The following PCDHA1 variants were observed in gnomAD, a reference collection of about 807,000 sequenced individuals.
PCDHA1 encodes protocadherin alpha-1.
Under a neutral mutation model 61.3 loss-of-function variants are expected in PCDHA1, and 42 were observed. That is an observed-to-expected ratio of 0.69 (90% confidence interval 0.54 to 0.89). The LOEUF (loss-of-function observed/expected upper bound fraction) is 0.89, where lower values mean the gene tolerates loss of function less well. PCDHA1 is among the 40% of genes least tolerant of loss of function. The probability of loss-of-function intolerance (pLI) is 0.00; values close to 1 mark genes in which losing one functional copy is unlikely to be tolerated. For missense variants in PCDHA1, 1,256 were observed against 1,235.3 expected (o/e 1.02, Z -0.25); for synonymous variants, 610 against 553.8 (o/e 1.10, Z -1.43).
chr5:140,977,074 T>C (rs1315038002), intron 1 of PCDHA1, among the ~76,000 whole-genome samples: 1 of 152,244 alleles, frequency 6.6e-6, no homozygotes, highest in Admixed American at 6.5e-5. Flanking sequence ...AATAGCAGCA[T>C]GACAAATTAA....
Position 140,993,509 on chromosome 5 carries a change from CGGGGAGAGAG to C in PCDHA1, c.2542+10947_2542+10956del, listed in dbSNP as rs2097568307. Among the ~76,000 whole-genome samples, 3 of 143,488 alleles carry C rather than the reference CGGGGAGAGAG, an allele frequency of 2.1e-5. No homozygotes were observed. In the Admixed American group the frequency reaches 2.1e-4, roughly 10 times the overall value. 94.1% of individuals were successfully genotyped at this position (143,488 alleles called of 152,430 possible). A position where few individuals can be genotyped will look rare whatever the true frequency, so the allele number is the denominator to read the frequency against. On this transcript the variant is annotated intron_variant, in intron 3 of 3. Coordinates refer to ENST00000504120, the MANE Select transcript of PCDHA1 (RefSeq NM_018900.4). Reference sequence around the variant, plus strand: ...ACACACACACACACACACACACACACGGGGAGAGAGAGACAGAGAGAGAGAGAGATAGAGA... The same window carrying C: ...ACACACACACACACACACACACACACAGACAGAGAGAGAGAGAGATAGAGA...
chr5:140,861,587 G>C, intron 1 of PCDHA1: 1 of 374,992 alleles, frequency 2.7e-6, no homozygotes, highest in South Asian at 2.4e-5. Flanking sequence ...TCCATGTGGA[G>C]GTGAAAGTGA....
At chr5:140,996,082 T>A (rs782553216) in intron 3 of PCDHA1, among the ~76,000 whole-genome samples, 6 of 152,248 alleles carry the variant, frequency 3.9e-5, no homozygotes, top group Non-Finnish European at 7.3e-5. Context: ...AAGATGTTTT[T>A]GCTAGATTAC....
intron 1 of PCDHA1, among the ~76,000 whole-genome samples, chr5:140,893,338 T>A (rs1409461265): frequency 1.3e-5 from 2 of 152,174 alleles, no homozygotes; most frequent in Non-Finnish European, 2.9e-5. Flanking sequence ...TTTTCCTTAG[T>A]GGCAGTGCTA....
At chr5:140,894,151 A>G (rs1554185957) in intron 1 of PCDHA1, among the ~76,000 whole-genome samples, 1 of 152,034 alleles carries the variant, frequency 6.6e-6, no homozygotes, top group Non-Finnish European at 1.5e-5. Flanking sequence ...CTTCTATGTA[A>G]TTATCCCTGA....
At chr5:140,843,069 G>T in intron 1 of PCDHA1, 1 of 1,595,314 alleles carries the variant, frequency 6.3e-7, no homozygotes, top group South Asian at 1.1e-5. Flanking sequence ...CTGGTGCCGC[G>T]GTCTGTGGGC....
chr5:140,876,069 A>G (rs1554168246), intron 1 of PCDHA1: 1 of 1,613,948 alleles, frequency 6.2e-7, no homozygotes, highest in South Asian at 1.1e-5. Flanking sequence ...TTCGGAAGTT[A>G]TTGGACAGAG....
intron 1 of PCDHA1, chr5:140,853,318 A>C (rs2042706802): frequency 1.2e-5 from 12 of 984,648 alleles, no homozygotes; most frequent in Non-Finnish European, 1.5e-5. Context: ...CTTAGTAATA[A>C]ATTTATCTTT....
chr5:140,975,964 T>C (rs1554237162), intron 1 of PCDHA1, among the ~76,000 whole-genome samples: 2 of 152,218 alleles, frequency 1.3e-5, no homozygotes, highest in South Asian at 2.1e-4. Flanking sequence ...TCTTCACCAA[T>C]AGAAAGTAAG....
At chr5:140,969,410 T>C (rs528910445) in intron 1 of PCDHA1, 12 of 1,572,752 alleles carry the variant, frequency 7.6e-6, no homozygotes, top group South Asian at 1.2e-5. Flanking sequence ...TTTGGCTTTA[T>C]TGAGTCATTA....
chr5:140,969,400 T>C (rs782765994), intron 1 of PCDHA1: 2 of 1,580,682 alleles, frequency 1.3e-6, no homozygotes, highest in South Asian at 2.3e-5. Flanking sequence ...TATCCTGTGA[T>C]TTGGCTTTAT....
rs572471986 is a variant in PCDHA1, at chr5:140,873,263, A to T, written c.2394+84579A>T. The stretch of plus-strand genomic sequence containing the variant: ...ATAAAATATTTCAGACTCAAAAGTG[A>T]TTAAACCATCATACCACTTATGAAA... On this transcript the variant is annotated intron_variant, in intron 1 of 3. Coordinates refer to ENST00000504120, the MANE Select transcript of PCDHA1 (RefSeq NM_018900.4). Among the ~76,000 whole-genome samples, 8 of 152,356 alleles carry T rather than the reference A, an allele frequency of 5.3e-5. 1 individual carries two copies. Among genetic ancestry groups the T allele is most frequent in the Middle Eastern group, 6.8e-3 (2 of 294 alleles).
intron 1 of PCDHA1, chr5:140,875,379 G>A: frequency 1.4e-6 from 2 of 1,459,474 alleles, no homozygotes; most frequent in Non-Finnish European, 1.8e-6. Flanking sequence ...TACTAAATAT[G>A]TACTTACAGA....
At chr5:140,899,713 T>G (rs1336302647) in intron 1 of PCDHA1, among the ~76,000 whole-genome samples, 1 of 152,210 alleles carries the variant, frequency 6.6e-6, no homozygotes, top group Non-Finnish European at 1.5e-5. Context: ...TTAGGGAGGA[T>G]TCCCTCTTTT....
intron 1 of PCDHA1, among the ~76,000 whole-genome samples, chr5:140,837,823 G>A (rs1554136656): frequency 1.3e-5 from 2 of 151,542 alleles, no homozygotes; most frequent in Admixed American, 1.3e-4. Flanking sequence ...AATACAGTTT[G>A]CATGTCATTG....
chr5:140,934,236 T>C (rs532427064), intron 1 of PCDHA1, among the ~76,000 whole-genome samples: 1 of 152,290 alleles, frequency 6.6e-6, no homozygotes, highest in South Asian at 2.1e-4. Context: ...TTGTACTTAA[T>C]TGTGGAGATT....
chr5:140,830,136 C>A (rs782778260), intron 1 of PCDHA1: 1 of 1,613,258 alleles, frequency 6.2e-7, no homozygotes, highest in South Asian at 1.1e-5. Flanking sequence ...TCATCACGGG[C>A]GTCGGTGGGC....
intron 1 of PCDHA1, among the ~76,000 whole-genome samples, chr5:140,820,649 A>C (rs1413009255): frequency 6.6e-6 from 1 of 152,120 alleles, no homozygotes; most frequent in Non-Finnish European, 1.5e-5. Context: ...GAGATTAAAA[A>C]GTAATTAAAC....
rs181372488 is a variant in PCDHA1, at chr5:140,858,049, G to A, written c.2394+69365G>A. 14,822 of 1,597,442 alleles carry A rather than the reference G, an allele frequency of 9.3e-3. 1,340 individuals carry two copies. Among genetic ancestry groups the A allele is most frequent in the Non-Finnish European group, 0.012 (13,697 of 1,167,420 alleles). On this transcript the variant is annotated intron_variant, in intron 1 of 3. Transcript: ENST00000504120. Reference sequence around the variant, plus strand: ...CGGCCACGGCCACTGTGCTTGTGTCGCTTGTGGAGGGCAGCCAGGCACCCA... The same window carrying A: ...CGGCCACGGCCACTGTGCTTGTGTCACTTGTGGAGGGCAGCCAGGCACCCA...
Sources: allele counts gnomAD v4.1 joint callset (sites outside exome capture counted in the v4.1 genomes callset), GRCh38; gene constraint gnomAD v4.1.1; transcripts MANE v1.5; gene names NCBI Gene and HGNC (gene_info 2026-07-23, HGNC 2026-07-21).